The following FAM120B variants were observed in gnomAD, a reference collection of about 807,000 sequenced individuals.
The protein encoded by FAM120B is constitutive coactivator of peroxisome proliferator-activated receptor gamma.
Under a neutral mutation model 96.3 loss-of-function variants are expected in FAM120B, and 83 were observed. That is an observed-to-expected ratio of 0.86 (90% confidence interval 0.72 to 1.03). The LOEUF (loss-of-function observed/expected upper bound fraction) is 1.03. Ranked by LOEUF, FAM120B falls within the 50% of genes least tolerant of loss-of-function variation. The pLI, the probability that FAM120B is intolerant of heterozygous loss-of-function variation, is 0.00. For synonymous variants in FAM120B, 407 were observed against 402.7 expected, an observed-to-expected ratio of 1.01 and a Z score of -0.13; for missense variants, 1,027 against 1,121.2, an observed-to-expected ratio of 0.92 and a Z score of 1.20.
chr6:170,309,458 T>C (rs1784470264), intron 1 of FAM120B, among the ~76,000 whole-genome samples: 1 of 152,250 alleles, frequency 6.6e-6, no homozygotes, highest in Non-Finnish European at 1.5e-5. Context: ...TCCTGAGTAC[T>C]GTTTTGCTTA....
intron 9 of FAM120B, among the ~76,000 whole-genome samples, chr6:170,401,233 C>T (rs537967808): frequency 6.6e-6 from 1 of 152,206 alleles, no homozygotes; most frequent in South Asian, 2.1e-4. Context: ...CCCGGTCTTG[C>T]CAGAAGTCCA....
At chr6:170,328,617 C>T (rs1368480394) in intron 3 of FAM120B, among the ~76,000 whole-genome samples, 1 of 152,092 alleles carries the variant, frequency 6.6e-6, no homozygotes, top group Non-Finnish European at 1.5e-5. Context: ...CACTCCTGCC[C>T]CCTTCATGGG....
intron 9 of FAM120B, 33 bp downstream of exon 9, chr6:170,395,612 C>T (rs1790688124): frequency 1.4e-6 from 2 of 1,469,690 alleles, no homozygotes. Context: ...TGCTGGGCCA[C>T]CTGCATGGCA....
At chr6:170,291,048 C>T, upstream of FAM120B, 1 of 702,006 alleles carries the variant, frequency 1.4e-6, no homozygotes, top group Non-Finnish European at 2.6e-6. Flanking sequence ...TTTTCCAAAC[C>T]CTCCTCTCAA....
At position 170,309,803 on chromosome 6, in the gene FAM120B, C is replaced by G. The variant is rs190060453; in HGVS notation, c.-22+2961C>G. Reference sequence around the variant, plus strand: ...AGATTAGGTTTTTGCCCATTAAGCACCAAAATATCCCATTTAGGTTGGGAA... The same window carrying G: ...AGATTAGGTTTTTGCCCATTAAGCAGCAAAATATCCCATTTAGGTTGGGAA... On this transcript the variant is annotated intron_variant, in intron 1 of 10. Coordinates refer to ENST00000476287, the MANE Select transcript of FAM120B (RefSeq NM_032448.3). Among the ~76,000 whole-genome samples the G allele has an allele frequency of 4.9e-4, 75 of 152,300 alleles. 1 individual carries two copies. In the South Asian group the frequency reaches 0.015, roughly 31 times the overall value.
intron 4 of FAM120B, among the ~76,000 whole-genome samples, chr6:170,337,459 C>T (rs920635571): frequency 3.2e-4 from 48 of 152,200 alleles, no homozygotes; most frequent in African/African-American, 1.1e-3. Flanking sequence ...ATTTTCGCAT[C>T]GATGTTCATC....
intron 6 of FAM120B, among the ~76,000 whole-genome samples, chr6:170,369,843 T>G (rs2115245144): frequency 6.6e-6 from 1 of 152,280 alleles, no homozygotes; most frequent in South Asian, 2.1e-4. Context: ...ATAATTTCCA[T>G]GGAACCTTTG....
chr6:170,400,929 C>T (rs1778544829), intron 9 of FAM120B, among the ~76,000 whole-genome samples: 1 of 152,292 alleles, frequency 6.6e-6, no homozygotes, highest in South Asian at 2.1e-4. Flanking sequence ...ACATTGGCTT[C>T]TTTCTTTCAT....
intron 6 of FAM120B, among the ~76,000 whole-genome samples, chr6:170,362,694 T>C (rs1788536812): frequency 6.6e-6 from 1 of 151,706 alleles, no homozygotes; most frequent in Non-Finnish European, 1.5e-5. Flanking sequence ...CTTTTTTTTT[T>C]TTTTTGAGAC....
At position 170,370,572 on chromosome 6, in the gene FAM120B, A is replaced by G. The variant is rs548188668; in HGVS notation, c.2283+12254A>G. Among the ~76,000 whole-genome samples the G allele has an allele frequency of 1.2e-3, 185 of 152,216 alleles. 1 individual carries two copies. The highest frequency in any genetic ancestry group is 2.2e-3 in the Non-Finnish European group (148 of 68,018). ...TAAACTCAGAAGCCAGAACTCGGTA[A>G]TATTACCCTCTGATCCTGTACCTGT... On this transcript the variant is annotated intron_variant, in intron 6 of 10. Transcript: ENST00000476287. The surrounding 1 kb of genome is among the most constrained non-coding windows in gnomAD (Gnocchi z 4.3).
intron 6 of FAM120B, among the ~76,000 whole-genome samples, chr6:170,368,494 G>A (rs1000442074): frequency 3.9e-5 from 6 of 152,138 alleles, no homozygotes; most frequent in Admixed American, 6.5e-5. Flanking sequence ...TTAAGATGGC[G>A]CTTTACCGAT....
At chr6:170,358,075 C>A in intron 5 of FAM120B, 151 bp from the exon 6 acceptor site, 2 of 642,226 alleles carry the variant, frequency 3.1e-6, no homozygotes, top group Non-Finnish European at 5.6e-6. Flanking sequence ...TGCTTGTGTG[C>A]ACATGTGGGT....
chr6:170,361,270 TTACA>T (rs1318978190), intron 6 of FAM120B, among the ~76,000 whole-genome samples: 10 of 110,824 alleles, frequency 9.0e-5, no homozygotes, highest in Admixed American at 1.9e-4. Flanking sequence ...ATATATATAG[TTACA>T]TACATATTAA....
intron 6 of FAM120B, among the ~76,000 whole-genome samples, chr6:170,369,950 T>G (rs1314079047): frequency 1.3e-5 from 2 of 152,356 alleles, no homozygotes; most frequent in Non-Finnish European, 2.9e-5. Flanking sequence ...TAGATGGATT[T>G]TATCTTCGTG....
rs551085555 is a variant in FAM120B at position 170,370,305 on chromosome 6, G to A, written c.2283+11987G>A. ...CATGCAGACCTTTCTTTTCTGAGAC[G>A]CAGCTACGTCCCCGAGCTCTTTGTG... On this transcript the variant is annotated intron_variant, in intron 6 of 10. Coordinates refer to ENST00000476287, the MANE Select transcript of FAM120B (RefSeq NM_032448.3). This position sits in a 1 kb window ranked among gnomAD's most constrained non-coding sequence, Gnocchi z 4.3. Among the ~76,000 whole-genome samples, 3 of 152,204 alleles carry A rather than the reference G, an allele frequency of 2.0e-5. No homozygotes were observed. The highest frequency in any genetic ancestry group is 4.4e-5 in the Non-Finnish European group (3 of 68,040).
chr6:170,316,352 A>G (rs1784900157), intron 1 of FAM120B, among the ~76,000 whole-genome samples: 1 of 152,156 alleles, frequency 6.6e-6, no homozygotes, highest in Non-Finnish European at 1.5e-5. Context: ...TTTGTATATT[A>G]AGAATTTTTT....
upstream of FAM120B, among the ~76,000 whole-genome samples, chr6:170,293,972 G>A (rs1783942888): frequency 6.6e-6 from 1 of 152,158 alleles, no homozygotes. Context: ...GGGAAGACAA[G>A]GGGAGCCCTT....
intron 6 of FAM120B, among the ~76,000 whole-genome samples, chr6:170,375,852 G>T (rs1016051275): frequency 2.0e-5 from 3 of 152,168 alleles, no homozygotes; most frequent in African/African-American, 7.2e-5. Context: ...GTGACTTCTG[G>T]ACTAGATCGA....
intron 6 of FAM120B, 107 bp from the exon 7 acceptor site, chr6:170,388,180 C>G: frequency 1.1e-6 from 1 of 891,452 alleles, no homozygotes; most frequent in Middle Eastern, 3.3e-4. Context: ...TGTCCAGTTA[C>G]TGAGTGAGCA....
Sources: gnomAD v4.1 joint callset for allele counts (sites outside exome capture counted in the v4.1 genomes callset) on GRCh38, gnomAD v4.1.1 for gene constraint, Gnocchi (gnomAD v3.1) non-coding constraint, MANE v1.5 for transcripts, NCBI Gene and HGNC (gene_info 2026-07-23, HGNC 2026-07-21) for gene names.